The following OLAH variants were observed in gnomAD, a reference collection of about 807,000 sequenced individuals.
OLAH encodes oleoyl-ACP hydrolase.
A neutral mutation model predicts 27.8 loss-of-function variants in OLAH; 33 were observed. That is an observed-to-expected ratio of 1.19 (90% confidence interval 0.90 to 1.59). The LOEUF is 1.59. Ranked by LOEUF, OLAH falls within the 40% of genes most tolerant of loss-of-function variation. OLAH has a pLI of 0.00. For synonymous variants in OLAH, 120 were observed against 102.9 expected, an observed-to-expected ratio of 1.17 and a Z score of -1.01; for missense variants, 359 against 310.8, an observed-to-expected ratio of 1.16 and a Z score of -1.17.
At chr10:15,052,013 T>C (rs1589242935) in intron 3 of OLAH, among the ~76,000 whole-genome samples, 1 of 152,220 alleles carries the variant, frequency 6.6e-6, no homozygotes, top group Non-Finnish European at 1.5e-5. Context: ...CTGGGCATGG[T>C]GGCTCACGCC....
At chr10:15,065,487 T>C (rs1300589943) in intron 5 of OLAH, 97 bp from the exon 6 acceptor site, 2 of 1,303,370 alleles carry the variant, frequency 1.5e-6, no homozygotes, top group Non-Finnish European at 2.1e-6. Context: ...TTCCCAGCCT[T>C]GGTTTAATGA....
At chr10:15,055,851 CTT>C (rs35808430) in intron 3 of OLAH, among the ~76,000 whole-genome samples, 21 of 142,090 alleles carry the variant, frequency 1.5e-4, no homozygotes, top group Non-Finnish European at 7.7e-5. Context: ...ACTTTATATA[CTT>C]TTTTTTTTTT....
At chr10:15,042,367 G>A (rs1843935071), upstream of OLAH, among the ~76,000 whole-genome samples, 3 of 152,044 alleles carry the variant, frequency 2.0e-5, no homozygotes, top group Admixed American at 2.0e-4. Context: ...TAGCCAGGCT[G>A]GTCTGGAACT....
chr10:15,072,812 C>A (rs551230767), intron 7 of OLAH, among the ~76,000 whole-genome samples: 17 of 151,838 alleles, frequency 1.1e-4, no homozygotes, highest in African/African-American at 4.1e-4. Context: ...GAGTTTGGAA[C>A]GTTTCTGGTT....
upstream of OLAH, among the ~76,000 whole-genome samples, chr10:15,042,869 T>TC (rs1843944108): frequency 7.0e-6 from 1 of 141,910 alleles, no homozygotes; most frequent in Non-Finnish European, 1.5e-5. Flanking sequence ...TTTTTTTTTT[T>TC]TTTTTTGAGA....
At chr10:15,054,038 C>CG (rs1468784532) in intron 3 of OLAH, among the ~76,000 whole-genome samples, 1 of 120,162 alleles carries the variant, frequency 8.3e-6, no homozygotes, top group African/African-American at 3.1e-5. Context: ...TCCTCTTAAG[C>CG]ATTTTTTTTT....
At chr10:15,062,139 G>C (rs915615152) in intron 4 of OLAH, 6 of 294,852 alleles carry the variant, frequency 2.0e-5, no homozygotes, top group Non-Finnish European at 3.1e-5. Flanking sequence ...ATTATGCAAA[G>C]AGTATATGTT....
chr10:15,043,038 T>G (rs570410616), upstream of OLAH, among the ~76,000 whole-genome samples: 39 of 151,838 alleles, frequency 2.6e-4, 1 homozygote, highest in South Asian at 3.5e-3. Flanking sequence ...TTTTTTGTAT[T>G]TTTAGTAGAG....
chr10:15,048,520 T>A (rs970328041), intron 2 of OLAH, among the ~76,000 whole-genome samples: 2 of 152,178 alleles, frequency 1.3e-5, no homozygotes, highest in Admixed American at 1.3e-4. Flanking sequence ...GCCCAGTCTA[T>A]AAGTAAATTT....
At chr10:15,051,264 C>A (rs142914486) in intron 3 of OLAH, among the ~76,000 whole-genome samples, 2 of 151,878 alleles carry the variant, frequency 1.3e-5, no homozygotes, top group African/African-American at 2.4e-5. Flanking sequence ...TTAGTAGAGA[C>A]GAGGTTTCAT....
intron 6 of OLAH, 75 bp downstream of exon 6, chr10:15,065,828 G>A: frequency 1.4e-6 from 2 of 1,383,974 alleles, no homozygotes; most frequent in Non-Finnish European, 2.0e-6. Context: ...GCAGTGCTCT[G>A]AGGTTGCTTA....
intron 3 of OLAH, among the ~76,000 whole-genome samples, chr10:15,060,925 T>C (rs2131366832): frequency 6.6e-6 from 1 of 152,190 alleles, no homozygotes; most frequent in East Asian, 1.9e-4. Flanking sequence ...ATAAGTTATT[T>C]GGGATCAGCT....
At position 15,034,828 on chromosome 10, in the gene OLAH, T is replaced by G. The variant is rs372293748; in HGVS notation, c.-164+2478T>G. Among the ~76,000 whole-genome samples the G allele has an allele frequency of 7.0e-3, 985 of 141,542 alleles. 2 individuals are homozygous for G. Among genetic ancestry groups the G allele is most frequent in the African/African-American group, 0.022 (801 of 37,044 alleles). 92.9% of individuals were successfully genotyped at this position (141,542 alleles called of 152,430 possible). ...TCTTTTTTTTTTTTTTTGAGACGGG[T>G]CTTGCTCTTGTTGCCCAGGCTGGCA... On this transcript the variant is annotated intron_variant, in intron 1 of 3. Coordinates refer to the OLAH transcript ENST00000413672.
At chr10:15,039,723 C>T (rs1416494305), upstream of OLAH, among the ~76,000 whole-genome samples, 1 of 152,156 alleles carries the variant, frequency 6.6e-6, no homozygotes, top group East Asian at 1.9e-4. Context: ...TAAGAGTCCC[C>T]CAGAAGAAGG....
chr10:15,032,634 A>AG (rs1383405096), intron 1 of OLAH, among the ~76,000 whole-genome samples: 3 of 151,740 alleles, frequency 2.0e-5, no homozygotes, highest in South Asian at 2.1e-4. Flanking sequence ...AAAAAAAAAA[A>AG]AAAAAGAAAA....
At chr10:15,068,345 C>T (rs1336915459) in intron 6 of OLAH, among the ~76,000 whole-genome samples, 1 of 152,128 alleles carries the variant, frequency 6.6e-6, no homozygotes, top group Admixed American at 6.6e-5. Flanking sequence ...ACTGCTTTGC[C>T]TCTTAACAAT....
At chr10:15,059,752 G>C (rs1485247859) in intron 3 of OLAH, among the ~76,000 whole-genome samples, 1 of 152,180 alleles carries the variant, frequency 6.6e-6, no homozygotes, top group African/African-American at 2.4e-5. Flanking sequence ...GTTGTAGTGA[G>C]CCAAGATGGC....
At chr10:15,045,088 G>A (rs914289693) in intron 1 of OLAH, among the ~76,000 whole-genome samples, 3 of 152,144 alleles carry the variant, frequency 2.0e-5, no homozygotes, top group African/African-American at 7.2e-5. Context: ...AGCATCTTGA[G>A]GAGAGAGTCA....
chr10:15,045,278 C>T (rs1341642493), intron 1 of OLAH, among the ~76,000 whole-genome samples: 1 of 152,186 alleles, frequency 6.6e-6, no homozygotes, highest in African/African-American at 2.4e-5. Context: ...TTTTTATGTA[C>T]TTCAATTAGA....
Sources: gnomAD v4.1 joint callset for allele counts (sites outside exome capture counted in the v4.1 genomes callset) on GRCh38, gnomAD v4.1.1 for gene constraint, MANE v1.5 for transcripts, NCBI Gene and HGNC (gene_info 2026-07-23, HGNC 2026-07-21) for gene names.